The following COL9A2 variants were observed in gnomAD, a reference collection of about 807,000 sequenced individuals.
COL9A2 encodes the protein collagen alpha-2(IX) chain.
COL9A2 carries 66 observed loss-of-function variants against 111.6 expected under a neutral mutation model. That is an observed-to-expected ratio of 0.59 (90% CI 0.48 to 0.73). COL9A2 has a LOEUF of 0.73. Ranked by LOEUF, COL9A2 falls within the 30% of genes least tolerant of loss-of-function variation. The pLI, the probability that COL9A2 is intolerant of heterozygous loss-of-function variation, is 0.00. For missense variants in COL9A2, 881 were observed against 954.1 expected, an observed-to-expected ratio of 0.92 and a Z score of 1.01; for synonymous variants, 353 against 364.1, an observed-to-expected ratio of 0.97 and a Z score of 0.35.
intron 20 of COL9A2, 137 bp from the exon 21 acceptor site, chr1:40,305,905 C>T: frequency 1.2e-6 from 1 of 858,120 alleles, no homozygotes; most frequent in Non-Finnish European, 1.9e-6. Context: ...GTTCAATCCT[C>T]TTGGCTCCTG....
rs1277734067 is a variant in COL9A2, at chr1:40,312,512, G to T, written c.340-33C>A. 3 of 1,613,822 alleles carry T rather than the reference G, an allele frequency of 1.9e-6. No individual in the cohort carries two copies. Among genetic ancestry groups the T allele is most frequent in the East Asian group, 2.2e-5 (1 of 44,862 alleles). ...AGAAAGAAAGAAAATTGGCTTCATG[G>T]CTCCCTCTGCAGGTCCCCTCTCCCC... On this transcript the variant is annotated intron_variant, in intron 6 of 31. Transcript: ENST00000372748. This position sits in a 1 kb window ranked among gnomAD's most constrained non-coding sequence, Gnocchi z 6.0.
rs72944918 is a variant in COL9A2 at position 40,308,409 on chromosome 1, C to T, written c.847-164G>A. Among the ~76,000 whole-genome samples, 16,160 of 152,172 alleles carry T rather than the reference C, an allele frequency of 0.11. 1,223 individuals carry two copies. Among genetic ancestry groups the T allele is most frequent in the African/African-American group, 0.21 (8,879 of 41,508 alleles). ...GGAGAGAGCCTTGGGAGTACCCTTC[C>T]TGCCCTGGCACCAGCAGGAGGGAGG... On this transcript the variant is annotated intron_variant, in intron 16 of 31. Transcript: ENST00000372748.
intron 20 of COL9A2, 67 bp downstream of exon 20, chr1:40,306,076 G>C: frequency 6.3e-7 from 1 of 1,580,166 alleles, no homozygotes; most frequent in Non-Finnish European, 8.7e-7. Context: ...CTGAGGCCTG[G>C]GCCTTGCTGT....
chr1:40,303,316 C>G lies in COL9A2; in HGVS notation c.1549-131G>C. 8.6e-7 allele frequency: 1 copy of G among 1,161,252 alleles called. No homozygotes were observed. The highest frequency in any genetic ancestry group is 1.2e-6 in the Non-Finnish European group (1 of 801,004). 71.9% of individuals were successfully genotyped at this position (1,161,252 alleles called of 1,614,324 possible). ...AGTCATTAATTCCCAAGCTGAGGAA[C>G]AGATTGTACCTGGGCAGGGCCAAGG... On this transcript the variant is annotated intron_variant, in intron 28 of 31. Transcript: ENST00000372748. The surrounding 1 kb of genome is among the most constrained non-coding windows in gnomAD (Gnocchi z 4.6).
chr1:40,303,903 G>T lies in COL9A2; in HGVS notation c.1368+25C>A. ...ACCCCGGGGCCAGCCGCCGCTCCCC[G>T]CCCTTCCCTAGGCCGCGCGCTCACC... On this transcript the variant is annotated intron_variant, in intron 26 of 31. Coordinates refer to ENST00000372748, the MANE Select transcript of COL9A2 (RefSeq NM_001852.4). The surrounding 1 kb of genome is among the most constrained non-coding windows in gnomAD (Gnocchi z 4.6). 1 of 1,550,872 alleles carries T rather than the reference G, an allele frequency of 6.4e-7. No individual in the cohort carries two copies. The highest frequency in any genetic ancestry group is 8.7e-7 in the Non-Finnish European group (1 of 1,147,084).
At position 40,309,864 on chromosome 1, in the gene COL9A2, G is replaced by C. The variant is rs1190685783; in HGVS notation, c.846+74C>G. On this transcript the variant is annotated intron_variant, in intron 16 of 31. Transcript: ENST00000372748. ...ACACTCATGCACTCTCACACACACA[G>C]CCTTAGGGGGTGCCTTGTCCTGCCC... The C allele has an allele frequency of 3.0e-5, 44 of 1,466,654 alleles. 2 individuals are homozygous for C. In the South Asian group the frequency reaches 4.7e-4, roughly 16 times the overall value. 90.9% of individuals were successfully genotyped at this position (1,466,654 alleles called of 1,614,324 possible).
chr1:40,304,206 C>A, intron 24 of COL9A2, 107 bp from the exon 25 acceptor site: 1 of 1,523,576 alleles, frequency 6.6e-7, no homozygotes, highest in Non-Finnish European at 8.8e-7. Flanking sequence ...GCCGACCAGA[C>A]CAGAACCCTG....
In COL9A2 at chr1:40,303,413, G is replaced by C; in HGVS notation, c.1548+117C>G. 1 of 1,443,210 alleles carries C rather than the reference G, an allele frequency of 6.9e-7. No homozygotes were observed. The highest frequency in any genetic ancestry group is 9.5e-7 in the Non-Finnish European group (1 of 1,051,024). The allele number at this position is 1,443,210 out of a possible 1,614,324, so 89.4% of individuals were successfully genotyped here. A position where few individuals can be genotyped will look rare whatever the true frequency, so the allele number is the denominator to read the frequency against. On this transcript the variant is annotated intron_variant, in intron 28 of 31. Transcript: ENST00000372748. This position sits in a 1 kb window ranked among gnomAD's most constrained non-coding sequence, Gnocchi z 4.6. ...GCCTTCCTGTCTGCTCTGGGGCTTG[G>C]AACCAGTCTCGGGGAAGTCGGTGAG... is the stretch of plus-strand genomic sequence containing the variant.
intron 2 of COL9A2, 31 bp downstream of exon 2, chr1:40,315,559 C>A: frequency 6.5e-7 from 1 of 1,548,606 alleles, no homozygotes; most frequent in South Asian, 1.2e-5. Flanking sequence ...TGCCGCCTCC[C>A]TCCCGCCCTG....
rs1280965540 is a variant in COL9A2 at position 40,316,483 on chromosome 1, TG to T, written c.75+639del. On this transcript the variant is annotated intron_variant, in intron 1 of 31. Coordinates refer to ENST00000372748, the MANE Select transcript of COL9A2 (RefSeq NM_001852.4). The surrounding 1 kb of genome is among the most constrained non-coding windows in gnomAD (Gnocchi z 5.5). ...GAGTCTCCATCCTGCTGCCCATCTC[TG>T]AACAGATCAGAGATCTTAAAAGGCG... Among the ~76,000 whole-genome samples, 1 of 152,202 alleles carries T rather than the reference TG, an allele frequency of 6.6e-6. No homozygotes were observed. The highest frequency in any genetic ancestry group is 1.5e-5 in the Non-Finnish European group (1 of 68,022).
chr1:40,303,590 G>GC lies in COL9A2; in HGVS notation c.1487dup (p.Arg498SerfsTer25). ...CTCGGTTCCCGGCCAGTCCTCGAGG[G>GC]CCGGGGGGACCAGGGTAGCCCTGAA... On this transcript the variant is annotated frameshift_variant, in exon 28 of 32. Transcript: ENST00000372748. LOFTEE classifies it high-confidence loss of function. The surrounding 1 kb of genome is among the most constrained non-coding windows in gnomAD (Gnocchi z 4.6). 6.2e-7 allele frequency: 1 copy of GC among 1,608,530 alleles called. No homozygotes were observed. Among genetic ancestry groups the GC allele is most frequent in the Non-Finnish European group, 8.5e-7 (1 of 1,178,116 alleles).
At position 40,301,114 on chromosome 1, in the gene COL9A2, A is replaced by G; in HGVS notation, c.*68T>C. On this transcript the variant is annotated 3_prime_UTR_variant, in exon 32 of 32. Coordinates refer to ENST00000372748, the MANE Select transcript of COL9A2 (RefSeq NM_001852.4). ...GGTTTCCTGGACTGGGGATGGGTGC[A>G]TGTCCACCCAGAGGGGACCTGGTCC... 6.5e-7 allele frequency: 1 copy of G among 1,541,582 alleles called. No homozygotes were observed.
intron 16 of COL9A2, among the ~76,000 whole-genome samples, chr1:40,308,951 A>T (rs1018475061): frequency 6.6e-6 from 1 of 152,194 alleles, no homozygotes; most frequent in East Asian, 1.9e-4. Flanking sequence ...AATTGCATTA[A>T]AAAACTAGAT....
chr1:40,317,129 C>T lies in COL9A2; in HGVS notation c.69G>A (p.Ala23=), dbSNP rs1336421773. The T allele has an allele frequency of 1.3e-6, 2 of 1,577,274 alleles. No individual in the cohort carries two copies. Among genetic ancestry groups the T allele is most frequent in the Admixed American group, 1.8e-5 (1 of 54,950 alleles). ...VLLQVVVLAL[A]QIRGPPGERG... ...GAGGGGCTGCGAAACTTACAATCTG[C>T]GCCAGAGCGAGCACTACCACCTGGA... is the stretch of plus-strand genomic sequence containing the variant. The change falls in exon 1 of 32, where the codon GCG becomes GCA. Residue 23 remains alanine, a synonymous_variant. Transcript: ENST00000372748. The surrounding 1 kb of genome is among the most constrained non-coding windows in gnomAD (Gnocchi z 4.3).
At chr1:40,305,182 C>G (rs1377254678) in intron 21 of COL9A2, among the ~76,000 whole-genome samples, 1 of 151,474 alleles carries the variant, frequency 6.6e-6, no homozygotes, top group Non-Finnish European at 1.5e-5. Context: ...ATTCTCCTGC[C>G]TCAGCCTCCA....
In COL9A2 at chr1:40,303,802, C is replaced by CT; in HGVS notation, c.1401+4dup. On this transcript the variant is annotated splice_donor_region_variant and intron_variant, in intron 27 of 31. Transcript: ENST00000372748. The surrounding 1 kb of genome is among the most constrained non-coding windows in gnomAD (Gnocchi z 4.6). ...GTCGGAGAACGCCGGGAGGGGAGGA[C>CT]TCACCTGTCCCTTGGGCCCCGGCTC... 1 of 1,563,904 alleles carries CT rather than the reference C, an allele frequency of 6.4e-7. No homozygotes were observed. The highest frequency in any genetic ancestry group is 8.7e-7 in the Non-Finnish European group (1 of 1,155,944).
chr1:40,305,606 T>C (rs980772410), intron 21 of COL9A2, 109 bp downstream of exon 21: 83 of 1,006,290 alleles, frequency 8.2e-5, no homozygotes, highest in Non-Finnish European at 1.2e-4. Context: ...CCCTGAATCA[T>C]TGGGTCAGGG....
chr1:40,310,725 G>A lies in COL9A2; in HGVS notation c.673C>T (p.Pro225Ser), dbSNP rs868284558. 2 of 1,566,900 alleles carry A rather than the reference G, an allele frequency of 1.3e-6. No individual in the cohort carries two copies. Among genetic ancestry groups the A allele is most frequent in the Non-Finnish European group, 1.7e-6 (2 of 1,155,162 alleles). The change falls in exon 13 of 32, where the codon CCT (proline) becomes TCT (serine). Residue 225 changes from proline (P) to serine (S), a missense_variant. Coordinates refer to ENST00000372748, the MANE Select transcript of COL9A2 (RefSeq NM_001852.4). The surrounding 1 kb of genome is among the most constrained non-coding windows in gnomAD (Gnocchi z 4.9). ...DVGASGEQGI[P>S]GPPGPQGIRG... is the part of the protein sequence containing the mutation. The stretch of plus-strand genomic sequence containing the variant: ...AAGGTGTTCCTTACCGGTGGTCCAG[G>A]GATGCCTTGCTCTCCAGAGGCACCC...
Position 40,310,194 on chromosome 1 carries a change from C to A in COL9A2, c.739-30G>T. On this transcript the variant is annotated intron_variant, in intron 14 of 31. Coordinates refer to ENST00000372748, the MANE Select transcript of COL9A2 (RefSeq NM_001852.4). This position sits in a 1 kb window ranked among gnomAD's most constrained non-coding sequence, Gnocchi z 4.9. ...GGAGAGGAAAGGGTTGCAGGTCAGT[C>A]CTGGCTGAACTCCAGGGGCCAGAAG... 6.2e-7 allele frequency: 1 copy of A among 1,614,062 alleles called. No individual in the cohort carries two copies. The highest frequency in any genetic ancestry group is 8.5e-7 in the Non-Finnish European group (1 of 1,179,954).
Sources: allele counts gnomAD v4.1 joint callset (sites outside exome capture counted in the v4.1 genomes callset), GRCh38; gene constraint gnomAD v4.1.1; non-coding constraint Gnocchi (gnomAD v3.1); transcripts MANE v1.5; gene names NCBI Gene and HGNC (gene_info 2026-07-23, HGNC 2026-07-21).